The following LZTR1 variants were observed in gnomAD, a reference collection of about 807,000 sequenced individuals.
LZTR1 encodes leucine-zipper-like transcriptional regulator 1.
LZTR1 carries 260 observed loss-of-function variants against 105.7 expected under a neutral mutation model. The ratio of observed to expected loss-of-function variants is 2.46; its 90% CI spans 2.22 to 2.72. The LOEUF is 2.72. Ranked by LOEUF, LZTR1 falls within the 30% of genes most tolerant of loss-of-function variation. LZTR1 has a pLI of 0.00. For missense variants in LZTR1, 1,214 were observed against 1,166.9 expected (o/e 1.04, Z -0.59); for synonymous variants, 490 against 476.4 (o/e 1.03, Z -0.37).
chr22:20,989,429 C>G (rs372588588), intron 6 of LZTR1, among the ~76,000 whole-genome samples, 196 bp from the exon 7 acceptor site: 2 of 152,174 alleles, frequency 1.3e-5, no homozygotes, highest in Admixed American at 6.5e-5. Context: ...CTGTCTGGGC[C>G]GGGCAGGGGG....
intron 5 of LZTR1, among the ~76,000 whole-genome samples, chr22:20,988,539 C>T (rs1275390551): frequency 6.6e-6 from 1 of 152,202 alleles, no homozygotes; most frequent in Non-Finnish European, 1.5e-5. Context: ...TGAGCACCCC[C>T]TTTGATATTT....
At chr22:20,984,614 G>T (rs12165759) in intron 2 of LZTR1, among the ~76,000 whole-genome samples, 1 of 115,336 alleles carries the variant, frequency 8.7e-6, no homozygotes, top group African/African-American at 3.3e-5. Flanking sequence ...CAAGTAAGGA[G>T]GGGGGGGGGG....
At position 20,996,009 on chromosome 22, in the gene LZTR1, G is replaced by A. The variant is rs747431522; in HGVS notation, c.2116G>A (p.Val706Met). ...GTCCTTCATGCCCGAAGATGGGCAG[G>A]TGAACATCTCCATCGGGGAGATGGT... ...FRSFMPEDGQ[V>M]NISIGEMVPS... Residue 706 changes from valine to methionine, a missense_variant, in exon 18 of 21, where the codon GTG (valine) becomes ATG (methionine). Val to Met is a conservative substitution (Grantham distance 21, BLOSUM62 1). Transcript: ENST00000646124. 1 of 1,613,732 alleles carries A rather than the reference G, an allele frequency of 6.2e-7. No homozygotes were observed. The highest frequency in any genetic ancestry group is 1.1e-5 in the South Asian group (1 of 91,088).
At chr22:20,988,333 G>C (rs1290256731) in intron 5 of LZTR1, among the ~76,000 whole-genome samples, 1 of 152,294 alleles carries the variant, frequency 6.6e-6, no homozygotes, top group East Asian at 1.9e-4. Flanking sequence ...GACCAGGCGT[G>C]GTGGCGCATG....
rs1924898949 is a variant in LZTR1 at position 20,997,283 on chromosome 22, A to T, written c.2458A>T (p.Ile820Phe). The T allele has an allele frequency of 6.2e-7, 1 of 1,613,894 alleles. No individual in the cohort carries two copies. The highest frequency in any genetic ancestry group is 8.5e-7 in the Non-Finnish European group (1 of 1,179,998). Reference sequence around the variant, plus strand: ...GCTGAGCCAGCAGCTGCTGCTGGACATCATAGACTCCCTGGCCTCCCACAT... The same window carrying T: ...GCTGAGCCAGCAGCTGCTGCTGGACTTCATAGACTCCCTGGCCTCCCACAT... ...RSLSQQLLLD[I>F]IDSLASHISD... Residue 820 changes from isoleucine (I) to phenylalanine (F), a missense_variant, in exon 21 of 21, where the codon ATC (isoleucine) becomes TTC (phenylalanine). Transcript: ENST00000646124.
chr22:20,983,111 T>G, intron 2 of LZTR1, 22 bp downstream of exon 2: 1 of 1,609,182 alleles, frequency 6.2e-7, no homozygotes, highest in Non-Finnish European at 8.5e-7. Flanking sequence ...TCAGCATCAG[T>G]GTTTGGACCA....
intron 20 of LZTR1, 38 bp downstream of exon 20, chr22:20,997,004 C>G (rs1347037671): frequency 6.2e-7 from 1 of 1,602,992 alleles, no homozygotes; most frequent in Non-Finnish European, 8.5e-7. Context: ...CTCGCTTCCC[C>G]TTGGCAGTGG....
chr22:20,982,573 T>C lies in LZTR1; in HGVS notation c.200+2T>C. 1 of 1,610,966 alleles carries C rather than the reference T, an allele frequency of 6.2e-7. No homozygotes were observed. Among genetic ancestry groups the C allele is most frequent in the Non-Finnish European group, 8.5e-7 (1 of 1,178,922 alleles). ...CTGCGACGAGTTCGTGGGTGCCCGG[T>C]ACGGTGGGCTTCATGGGGTCCTGAG... On this transcript the variant is annotated splice_donor_variant, in intron 1 of 20. Coordinates refer to ENST00000646124, the MANE Select transcript of LZTR1 (RefSeq NM_006767.4). LOFTEE classifies it high-confidence loss of function.
At position 20,994,619 on chromosome 22, in the gene LZTR1, G is replaced by T; in HGVS notation, c.1677G>T (p.Leu559Phe). ...ACAAACTGGCACTGAGCTTCCAGTTGTGCCGCCTGGAGCAGCTGTGCCGCC... is the reference window on the plus strand; with the variant it reads ...ACAAACTGGCACTGAGCTTCCAGTTTTGCCGCCTGGAGCAGCTGTGCCGCC... ...DVYKLALSFQ[L>F]CRLEQLCRQY... Residue 559 changes from leucine to phenylalanine, a missense_variant, in exon 15 of 21, where the codon TTG becomes TTT. By Grantham distance (22) the Leu-to-Phe change is conservative (BLOSUM62 0). Coordinates refer to ENST00000646124, the MANE Select transcript of LZTR1 (RefSeq NM_006767.4). 1 of 1,612,650 alleles carries T rather than the reference G, an allele frequency of 6.2e-7. No homozygotes were observed. Among genetic ancestry groups the T allele is most frequent in the Non-Finnish European group, 8.5e-7 (1 of 1,179,850 alleles).
chr22:20,984,912 G>A (rs1405979962), intron 2 of LZTR1, among the ~76,000 whole-genome samples: 1 of 152,168 alleles, frequency 6.6e-6, no homozygotes, highest in Non-Finnish European at 1.5e-5. Flanking sequence ...CTATTTGATT[G>A]TATGGCTTTT....
chr22:20,983,175 C>T, intron 2 of LZTR1, 86 bp downstream of exon 2: 1 of 1,169,796 alleles, frequency 8.5e-7, no homozygotes, highest in East Asian at 2.3e-5. Context: ...CCATTACTGT[C>T]CTTTCAGATG....
chr22:20,994,024 G>A lies in LZTR1; in HGVS notation c.1449+5G>A. On this transcript the variant is annotated splice_donor_5th_base_variant and intron_variant, in intron 13 of 20. Transcript: ENST00000646124. ...GCGCGGGAGAGGCTGGCCCAGGTGAGGTGCCTAACCGCCCTGCCCTGACCT... is the reference window on the plus strand; with the variant it reads ...GCGCGGGAGAGGCTGGCCCAGGTGAAGTGCCTAACCGCCCTGCCCTGACCT... The A allele has an allele frequency of 6.2e-7, 1 of 1,604,086 alleles. No homozygotes were observed. The highest frequency in any genetic ancestry group is 1.1e-5 in the South Asian group (1 of 89,406).
rs760312637 is a variant in LZTR1, at chr22:20,995,760, C to A, written c.1957C>A (p.Gln653Lys). 6.2e-7 allele frequency: 1 copy of A among 1,613,500 alleles called. No individual in the cohort carries two copies. The highest frequency in any genetic ancestry group is 8.5e-7 in the Non-Finnish European group (1 of 1,180,008). ...QPVDIGTSLI[Q>K]DMKAYLEGAG... Reference sequence around the variant, plus strand: ...CCTACCCCCAGGCACATCTCTGATCCAGGACATGAAGGCATACCTGGAGGG... The same window carrying A: ...CCTACCCCCAGGCACATCTCTGATCAAGGACATGAAGGCATACCTGGAGGG... Residue 653 changes from glutamine (Q) to lysine (K), a missense_variant, in exon 17 of 21, where the codon CAG (glutamine) becomes AAG (lysine). Coordinates refer to ENST00000646124, the MANE Select transcript of LZTR1 (RefSeq NM_006767.4).
intron 13 of LZTR1, 39 bp downstream of exon 13, chr22:20,994,058 T>C (rs1334077199): frequency 6.3e-7 from 1 of 1,588,510 alleles, no homozygotes; most frequent in Non-Finnish European, 8.6e-7. Flanking sequence ...CTGGCAGCCA[T>C]GCCTGGTGTC....
intron 11 of LZTR1, chr22:20,993,209 C>T: frequency 2.3e-6 from 1 of 441,816 alleles, no homozygotes; most frequent in Non-Finnish European, 4.1e-6. Flanking sequence ...CAGGGCAGAG[C>T]CAGGGCCGAC....
rs2147964938 is a variant in LZTR1, at chr22:20,991,709, CT to C, written c.876del (p.Phe292LeufsTer59). 1 of 1,593,002 alleles carries C rather than the reference CT, an allele frequency of 6.3e-7. No individual in the cohort carries two copies. ...QRRYGHTMVA[F>X]DRHLYVFGGA... ...GGCGCTACGGGCATACCATGGTGGC[CT>C]TTGACCGCCACCTCTATGTGTTTGG... On this transcript the variant is annotated frameshift_variant, in exon 9 of 21. Transcript: ENST00000646124. LOFTEE classifies it high-confidence loss of function.
rs769001939 is a variant in LZTR1, at chr22:20,987,536, G to A, written c.353G>A (p.Arg118His). The A allele has an allele frequency of 3.3e-5, 53 of 1,613,896 alleles. No individual in the cohort carries two copies. The highest frequency in any genetic ancestry group is 3.8e-5 in the Non-Finnish European group (45 of 1,179,996). ...AFTTGTPPAPRYHHSAVVYGS... is the reference protein window; with the variant it reads ...AFTTGTPPAPHYHHSAVVYGS... ...ACCACTGGGACCCCACCGGCCCCCC[G>A]TTACCACCACTCGGCCGTCGTCTAT... The change falls in exon 4 of 21, where the codon CGT (arginine) becomes CAT (histidine). Residue 118 changes from arginine to histidine, a missense_variant. Physicochemically the swap from Arg to His is conservative, Grantham distance 29. Coordinates refer to ENST00000646124, the MANE Select transcript of LZTR1 (RefSeq NM_006767.4).
intron 16 of LZTR1, chr22:20,995,256 C>A (rs1327740006): frequency 2.9e-6 from 2 of 695,522 alleles, no homozygotes; most frequent in Non-Finnish European, 5.3e-6. Context: ...ATTTCCTGAG[C>A]CAATTTCTGG....
intron 10 of LZTR1, 160 bp from the exon 11 acceptor site, chr22:20,992,634 C>T (rs1490994758): frequency 1.6e-6 from 1 of 632,820 alleles, no homozygotes; most frequent in African/African-American, 1.8e-5. Context: ...GGTACCAGGT[C>T]CCACCTGTGT....
Sources: allele counts gnomAD v4.1 joint callset (sites outside exome capture counted in the v4.1 genomes callset), GRCh38; gene constraint gnomAD v4.1.1; transcripts MANE v1.5; gene names NCBI Gene and HGNC (gene_info 2026-07-23, HGNC 2026-07-21).